Variants in ME3 observed in about 807,000 individuals in gnomAD.
ME3 encodes the protein NADP-dependent malic enzyme, mitochondrial.
Under a neutral mutation model 68.9 loss-of-function variants are expected in ME3, and 48 were observed. That is an observed-to-expected ratio of 0.70 (90% CI 0.55 to 0.89). The LOEUF is 0.89. ME3 is among the 40% of genes least tolerant of loss of function. The probability of loss-of-function intolerance (pLI) is 0.00; values close to 1 mark genes in which losing one functional copy is unlikely to be tolerated. For synonymous variants in ME3, 320 were observed against 318.8 expected, an observed-to-expected ratio of 1.00 and a Z score of -0.04; for missense variants, 675 against 797.4, an observed-to-expected ratio of 0.85 and a Z score of 1.85.
intron 8 of ME3, among the ~76,000 whole-genome samples, chr11:86,452,173 G>T (rs1949669317): frequency 1.3e-5 from 2 of 152,082 alleles, no homozygotes; most frequent in South Asian, 2.1e-4. Context: ...TTAATTTTGT[G>T]CTCTACTGGA....
At chr11:86,539,661 C>G (rs1955914743) in intron 4 of ME3, among the ~76,000 whole-genome samples, 1 of 152,194 alleles carries the variant, frequency 6.6e-6, no homozygotes, top group South Asian at 2.1e-4. Context: ...GAACAATGCA[C>G]AGCTCCTCCT....
chr11:86,601,731 A>C (rs1960701497), intron 2 of ME3, among the ~76,000 whole-genome samples: 1 of 152,084 alleles, frequency 6.6e-6, no homozygotes, highest in African/African-American at 2.4e-5. Flanking sequence ...TGAATCCAGC[A>C]GCACATCAAA....
chr11:86,459,870 C>T (rs1950145600), intron 8 of ME3, among the ~76,000 whole-genome samples: 1 of 152,176 alleles, frequency 6.6e-6, no homozygotes. Flanking sequence ...CAATGCAGGT[C>T]CAGGGAAGGC....
intron 2 of ME3, among the ~76,000 whole-genome samples, chr11:86,669,734 A>G (rs895480366): frequency 6.6e-6 from 1 of 152,176 alleles, no homozygotes; most frequent in African/African-American, 2.4e-5. Flanking sequence ...CAACTTATTT[A>G]TAGTACTTGG....
chr11:86,626,252 A>G (rs1943658578), intron 2 of ME3, among the ~76,000 whole-genome samples: 1 of 152,200 alleles, frequency 6.6e-6, no homozygotes, highest in African/African-American at 2.4e-5. Context: ...GTGAGAGAAC[A>G]AAAGCCTGGA....
chr11:86,608,551 C>T (rs1343199222), intron 2 of ME3, among the ~76,000 whole-genome samples: 1 of 152,130 alleles, frequency 6.6e-6, no homozygotes, highest in Non-Finnish European at 1.5e-5. Flanking sequence ...CAAATTCCCT[C>T]TCAGCTCCCT....
At chr11:86,438,611 G>A (rs956068421), downstream of ME3, among the ~76,000 whole-genome samples, 3 of 151,958 alleles carry the variant, frequency 2.0e-5, no homozygotes, top group Admixed American at 2.0e-4. Context: ...TTTTTCTTGG[G>A]GGAAAGATTT....
At chr11:86,596,951 G>A (rs1314588496) in intron 2 of ME3, among the ~76,000 whole-genome samples, 1 of 152,206 alleles carries the variant, frequency 6.6e-6, no homozygotes, top group Non-Finnish European at 1.5e-5. Flanking sequence ...ATTCAGCAAA[G>A]GAAAGCAGGT....
At chr11:86,639,159 A>C (rs1333001725) in intron 2 of ME3, among the ~76,000 whole-genome samples, 1 of 152,242 alleles carries the variant, frequency 6.6e-6, no homozygotes, top group Non-Finnish European at 1.5e-5. Context: ...GGTTCCCCAC[A>C]AAAGTTTGCT....
At chr11:86,617,738 TG>T (rs1943070591) in intron 2 of ME3, among the ~76,000 whole-genome samples, 1 of 152,148 alleles carries the variant, frequency 6.6e-6, no homozygotes, top group South Asian at 2.1e-4. Context: ...ACAAGCTATG[TG>T]AAGAGGAAAG....
At chr11:86,580,039 T>A (rs1315240319) in intron 2 of ME3, among the ~76,000 whole-genome samples, 3 of 152,240 alleles carry the variant, frequency 2.0e-5, no homozygotes, top group African/African-American at 4.8e-5. Context: ...AGAATCTAAT[T>A]CTTGCACTTA....
At chr11:86,509,309 T>G (rs767201391) in intron 4 of ME3, among the ~76,000 whole-genome samples, 1 of 152,138 alleles carries the variant, frequency 6.6e-6, no homozygotes, top group Non-Finnish European at 1.5e-5. Context: ...GGTTGGGATG[T>G]TCAGACACAT....
At chr11:86,667,898 C>T (rs1443002747) in intron 2 of ME3, 1 of 151,962 alleles carries the variant, frequency 6.6e-6, no homozygotes, top group Admixed American at 6.6e-5. Context: ...AAAGAGGGGT[C>T]ATATAACCAA....
At chr11:86,610,676 C>G (rs72955481) in intron 2 of ME3, among the ~76,000 whole-genome samples, 11,188 of 124,134 alleles carry the variant, frequency 0.09, 495 homozygotes, top group East Asian at 0.16. Flanking sequence ...TGGGGGGTGG[C>G]TCTTGTCTTC....
chr11:86,655,383 C>G (rs980498075), intron 2 of ME3, among the ~76,000 whole-genome samples: 24 of 152,146 alleles, frequency 1.6e-4, no homozygotes, highest in Non-Finnish European at 3.1e-4. Context: ...CAGCATGGTA[C>G]TGGTACCAAA....
intron 4 of ME3, among the ~76,000 whole-genome samples, chr11:86,530,447 C>A (rs1422595243): frequency 6.6e-6 from 1 of 152,142 alleles, no homozygotes; most frequent in Non-Finnish European, 1.5e-5. Context: ...ACATTCAATG[C>A]CATCCCCATC....
At chr11:86,593,046 C>T (rs1372123894) in intron 2 of ME3, among the ~76,000 whole-genome samples, 1 of 152,152 alleles carries the variant, frequency 6.6e-6, no homozygotes, top group Admixed American at 6.5e-5. Context: ...TTCAGCATGA[C>T]TGGGTATGAA....
At chr11:86,618,011 A>C (rs1943085983) in intron 2 of ME3, among the ~76,000 whole-genome samples, 1 of 152,156 alleles carries the variant, frequency 6.6e-6, no homozygotes, top group African/African-American at 2.4e-5. Flanking sequence ...TCAAATTCAC[A>C]AGATGTAGGA....
intron 4 of ME3, among the ~76,000 whole-genome samples, chr11:86,545,392 A>T (rs114468597): frequency 0.043 from 6,618 of 152,300 alleles, 149 homozygotes; most frequent in South Asian, 0.1. Context: ...TCTGTTTGCA[A>T]ATAACATGGT....
Sources: allele counts gnomAD v4.1 joint callset (sites outside exome capture counted in the v4.1 genomes callset), GRCh38; gene constraint gnomAD v4.1.1; transcripts MANE v1.5; gene names NCBI Gene and HGNC (gene_info 2026-07-23, HGNC 2026-07-21).